The following HPGDS variants were observed in gnomAD, a reference collection of about 807,000 sequenced individuals.
HPGDS encodes hematopoietic prostaglandin D synthase, also known as GST class-sigma.
In HPGDS, 26 loss-of-function variants were observed where a neutral mutation model predicts 23.1. That is an observed-to-expected ratio of 1.13 (90% CI 0.83 to 1.56). The LOEUF (loss-of-function observed/expected upper bound fraction) is 1.56, where lower values mean the gene tolerates loss of function less well. HPGDS is among the 40% of genes most tolerant of loss of function. HPGDS has a pLI of 0.00. For synonymous variants in HPGDS, 95 were observed against 77.9 expected (o/e 1.22, Z -1.16); for missense variants, 268 against 236.4 (o/e 1.13, Z -0.88).
intron 3 of HPGDS, among the ~76,000 whole-genome samples, chr4:94,313,627 C>T (rs368479766): frequency 6.6e-6 from 1 of 152,100 alleles, no homozygotes; most frequent in Non-Finnish European, 1.5e-5. Flanking sequence ...TGGAGTTGCT[C>T]TTCTCGAGGA....
chr4:94,339,336 G>A (rs1398005042), intron 1 of HPGDS, among the ~76,000 whole-genome samples: 1 of 152,162 alleles, frequency 6.6e-6, no homozygotes, highest in East Asian at 1.9e-4. Context: ...AAGTTTAAAA[G>A]CTGATTGTGT....
At chr4:94,307,439 A>ATCATATCTGCTG (rs1420446625) in intron 4 of HPGDS, among the ~76,000 whole-genome samples, 1 of 152,134 alleles carries the variant, frequency 6.6e-6, no homozygotes. Flanking sequence ...ATCTGTCATA[A>ATCATATCTGCTG]TCATATCTGC....
At chr4:94,318,560 C>G (rs1756441336) in intron 2 of HPGDS, among the ~76,000 whole-genome samples, 1 of 151,858 alleles carries the variant, frequency 6.6e-6, no homozygotes, top group African/African-American at 2.4e-5. Context: ...ATATTGATTT[C>G]TAGTTTTATT....
chr4:94,302,073 C>T (rs535743787), intron 5 of HPGDS, 73 bp downstream of exon 5: 3 of 1,098,722 alleles, frequency 2.7e-6, no homozygotes, highest in South Asian at 3.2e-5. Flanking sequence ...AACTTTTTTT[C>T]AGTAAGTTTT....
At chr4:94,314,472 A>G (rs1179356911) in intron 3 of HPGDS, among the ~76,000 whole-genome samples, 2 of 152,158 alleles carry the variant, frequency 1.3e-5, no homozygotes, top group Admixed American at 6.5e-5. Flanking sequence ...TGAACCGCAA[A>G]TGTTGCTGCC....
intron 3 of HPGDS, among the ~76,000 whole-genome samples, chr4:94,313,863 C>G (rs556275963): frequency 8.1e-4 from 123 of 152,260 alleles, no homozygotes; most frequent in African/African-American, 2.5e-3. Context: ...CTCTAAACTT[C>G]TCTTCTTGCT....
Position 94,308,687 on chromosome 4 carries a change from G to A in HPGDS, c.283C>T (p.Leu95=). 1 of 1,610,162 alleles carries A rather than the reference G, an allele frequency of 6.2e-7. No homozygotes were observed. Among genetic ancestry groups the A allele is most frequent in the Non-Finnish European group, 8.5e-7 (1 of 1,177,400 alleles). Residue 95 remains leucine, a synonymous_variant, in exon 4 of 6, where the codon CTG becomes TTG. Transcript: ENST00000295256. ...GGAAAACATGACATGAAATCATCCA[G>A]AGTGTCCACAATAGCATCAACATGA... ...QCHVDAIVDT[L]DDFMSCFPWA...
chr4:94,325,863 A>G (rs1440810379), intron 2 of HPGDS, among the ~76,000 whole-genome samples: 1 of 152,188 alleles, frequency 6.6e-6, no homozygotes, highest in Non-Finnish European at 1.5e-5. Flanking sequence ...CATCTTCTGC[A>G]TCAGTCACGC....
chr4:94,340,294 TTTCTTTCTTTCTTTCTC>T (rs1721116198), intron 1 of HPGDS, among the ~76,000 whole-genome samples: 1 of 70,388 alleles, frequency 1.4e-5, no homozygotes, highest in East Asian at 3.0e-4. Context: ...TCTTTCTTTC[TTTCTTTCTTTCTTTCTC>T]TTTTTTTTTT....
intron 1 of HPGDS, among the ~76,000 whole-genome samples, chr4:94,340,311 C>CTTACTCTTTTT (rs1721125090): frequency 4.2e-5 from 1 of 23,678 alleles, no homozygotes; most frequent in African/African-American, 1.5e-4. Context: ...CTTTCTTTCT[C>CTTACTCTTTTT]TTTTTTTTTT....
intron 2 of HPGDS, among the ~76,000 whole-genome samples, chr4:94,327,128 C>T (rs144254193): frequency 5.9e-5 from 9 of 151,972 alleles, no homozygotes; most frequent in African/African-American, 1.9e-4. Flanking sequence ...TCCTAGGCCC[C>T]TGAATGGGAT....
At chr4:94,309,579 G>A (rs1385555540) in intron 3 of HPGDS, among the ~76,000 whole-genome samples, 2 of 152,044 alleles carry the variant, frequency 1.3e-5, no homozygotes, top group African/African-American at 2.4e-5. Flanking sequence ...GAATAGTGCT[G>A]CAATAAACAT....
At chr4:94,313,570 A>G (rs985160459) in intron 3 of HPGDS, among the ~76,000 whole-genome samples, 2 of 151,890 alleles carry the variant, frequency 1.3e-5, no homozygotes, top group African/African-American at 4.8e-5. Context: ...TGCCCTTAAC[A>G]TTTTTTCCTT....
intron 3 of HPGDS, among the ~76,000 whole-genome samples, chr4:94,316,905 T>C (rs1420636537): frequency 1.3e-5 from 2 of 152,234 alleles, no homozygotes; most frequent in Admixed American, 1.3e-4. Flanking sequence ...ATTCTAGCTA[T>C]CTTTGAGCCT....
intron 5 of HPGDS, among the ~76,000 whole-genome samples, chr4:94,301,372 C>T (rs866103464): frequency 3.9e-5 from 6 of 152,120 alleles, no homozygotes; most frequent in African/African-American, 9.7e-5. Flanking sequence ...TCCATGCCTA[C>T]GCCAATTAAT....
chr4:94,340,317 T>TTTTC (rs1721131182), intron 1 of HPGDS, among the ~76,000 whole-genome samples: 4 of 16,502 alleles, frequency 2.4e-4, no homozygotes, highest in South Asian at 1.8e-3. Context: ...TTCTCTTTTT[T>TTTTC]TTTTTTTTTT....
At chr4:94,327,247 T>G (rs932187146) in intron 2 of HPGDS, among the ~76,000 whole-genome samples, 2 of 152,152 alleles carry the variant, frequency 1.3e-5, no homozygotes, top group African/African-American at 4.8e-5. Context: ...CCCTGGATGA[T>G]GTGCACAAGC....
intron 4 of HPGDS, among the ~76,000 whole-genome samples, chr4:94,306,291 T>C (rs1212329194): frequency 6.6e-6 from 1 of 152,106 alleles, no homozygotes; most frequent in Admixed American, 6.6e-5. Context: ...GAAGCTGTAA[T>C]AAAGACGTCT....
At chr4:94,322,368 T>A (rs1180624108) in intron 2 of HPGDS, among the ~76,000 whole-genome samples, 1 of 152,346 alleles carries the variant, frequency 6.6e-6, no homozygotes, top group East Asian at 1.9e-4. Flanking sequence ...TCTGGTAGAA[T>A]TCAGCTGTGA....
Sources: gnomAD v4.1 joint callset for allele counts (sites outside exome capture counted in the v4.1 genomes callset) on GRCh38, gnomAD v4.1.1 for gene constraint, MANE v1.5 for transcripts, NCBI Gene and HGNC (gene_info 2026-07-23, HGNC 2026-07-21) for gene names.